The following TIMELESS variants were observed in gnomAD, a reference collection of about 807,000 sequenced individuals.
The protein encoded by TIMELESS is protein timeless homolog.
In TIMELESS, 124 loss-of-function variants were observed where a neutral mutation model predicts 164.3. The ratio of observed to expected loss-of-function variants is 0.75; its 90% CI spans 0.65 to 0.88. The LOEUF (loss-of-function observed/expected upper bound fraction) is 0.88, where lower values mean the gene tolerates loss of function less well. Among genes scored for constraint, TIMELESS ranks in the 40% least tolerant of loss-of-function variants. The pLI, the probability that TIMELESS is intolerant of heterozygous loss-of-function variation, is 0.00. For synonymous variants in TIMELESS, 564 were observed against 563.4 expected (o/e 1.00, Z -0.02); for missense variants, 1,422 against 1,491.4 (o/e 0.95, Z 0.77).
At chr12:56,424,269 A>G (rs1881599543) in intron 15 of TIMELESS, among the ~76,000 whole-genome samples, 1 of 152,194 alleles carries the variant, frequency 6.6e-6, no homozygotes, top group Non-Finnish European at 1.5e-5. Flanking sequence ...TTTTTGTAAA[A>G]CAAGGTATAT....
At chr12:56,419,520 G>C (rs963653004) in intron 26 of TIMELESS, among the ~76,000 whole-genome samples, 9 of 150,512 alleles carry the variant, frequency 6.0e-5, no homozygotes, top group African/African-American at 4.9e-5. Context: ...CCTTCCAATA[G>C]AGGGACTGGC....
At chr12:56,425,521 A>G (rs1289545240) in intron 13 of TIMELESS, among the ~76,000 whole-genome samples, 1 of 152,236 alleles carries the variant, frequency 6.6e-6, no homozygotes, top group Non-Finnish European at 1.5e-5. Flanking sequence ...AATAAGACAC[A>G]TGGAAAAGCT....
At chr12:56,445,874 TC>T (rs1243541653) in intron 1 of TIMELESS, among the ~76,000 whole-genome samples, 1 of 152,222 alleles carries the variant, frequency 6.6e-6, no homozygotes, top group African/African-American at 2.4e-5. Flanking sequence ...CTTAGGTTAC[TC>T]AACCTCTTCC....
At chr12:56,434,043 T>A (rs767064038) in intron 2 of TIMELESS, 31 bp downstream of exon 2, 3 of 1,612,988 alleles carry the variant, frequency 1.9e-6, no homozygotes, top group Non-Finnish European at 2.5e-6. Context: ...TCAAGCCAAT[T>A]TTTTTCCTGT....
intron 8 of TIMELESS, 144 bp downstream of exon 8, chr12:56,431,327 C>T: frequency 9.5e-7 from 1 of 1,053,364 alleles, no homozygotes; most frequent in Non-Finnish European, 1.3e-6. Flanking sequence ...GCACTCCAGC[C>T]TGGGCGACAA....
At chr12:56,429,218 A>G (rs909693397) in intron 10 of TIMELESS, 118 bp from the exon 11 acceptor site, 145 of 823,864 alleles carry the variant, frequency 1.8e-4, no homozygotes, top group Non-Finnish European at 2.4e-4. Context: ...TTTTTTTTTG[A>G]GGCGGAGTCT....
chr12:56,420,465 A>T, intron 26 of TIMELESS, 104 bp downstream of exon 26: 1 of 818,440 alleles, frequency 1.2e-6, no homozygotes, highest in Non-Finnish European at 1.9e-6. Context: ...GACCAAGATG[A>T]CGATAAGGAT....
In TIMELESS at chr12:56,423,893, C is replaced by G. The variant is rs1326147587; in HGVS notation, c.1870G>C (p.Glu624Gln). 1.2e-6 allele frequency: 2 copies of G among 1,613,892 alleles called. No individual in the cohort carries two copies. The highest frequency in any genetic ancestry group is 1.6e-4 in the Middle Eastern group (1 of 6,084). The change falls in exon 16 of 29, where the codon GAG (glutamate) becomes CAG (glutamine). Residue 624 changes from glutamate (E) to glutamine (Q), a missense_variant and splice_region_variant. By Grantham distance (29) the Glu-to-Gln change is conservative. Transcript: ENST00000553532. ...QALTLLRSAREVWPEGDVFGS... is the reference protein window; with the variant it reads ...QALTLLRSARQVWPEGDVFGS... ...AACACATCTCCTTCAGGCCACACCT[C>G]CCTGGAGCACAGATAGAAAAAAGGC...
In TIMELESS at chr12:56,424,834, G is replaced by A; in HGVS notation, c.1796C>T (p.Ala599Val). Residue 599 changes from alanine to valine, a missense_variant, in exon 15 of 29, where the codon GCT becomes GTT. Physicochemically the swap from Ala to Val is moderately conservative, Grantham distance 64. Coordinates refer to ENST00000553532, the MANE Select transcript of TIMELESS (RefSeq NM_003920.5). ...GAGACAGTCTTGGATCCGTACCATA[G>A]CTTCTGCCCGCTGCTCCTCCACTGG... The part of the protein sequence containing the change: ...EVPVEEQRAE[A>V]MVRIQDCLLA... The A allele has an allele frequency of 6.2e-7, 1 of 1,614,234 alleles. No homozygotes were observed. The highest frequency in any genetic ancestry group is 1.3e-5 in the African/African-American group (1 of 75,062).
intron 3 of TIMELESS, 41 bp from the exon 4 acceptor site, chr12:56,433,693 T>C (rs1881972299): frequency 1.2e-6 from 2 of 1,613,730 alleles, no homozygotes; most frequent in Non-Finnish European, 1.7e-6. Context: ...TAAGTTTCTT[T>C]ACCAGCTCAA....
Position 56,420,514 on chromosome 12 carries a change from G to A in TIMELESS, c.3228+55C>T. ...ATGACAGTGAGGAGGAGGAGGAGAT[G>A]TATTTGGAAATAGGACTAACACGCC... On this transcript the variant is annotated intron_variant, in intron 26 of 28. Coordinates refer to ENST00000553532, the MANE Select transcript of TIMELESS (RefSeq NM_003920.5). 5 of 1,392,942 alleles carry A rather than the reference G, an allele frequency of 3.6e-6. No individual in the cohort carries two copies. In the Admixed American group the frequency reaches 8.4e-5, roughly 24 times the overall value. The allele number at this position is 1,392,942 out of a possible 1,614,324, so 86.3% of individuals were successfully genotyped here. A position where few individuals can be genotyped will look rare whatever the true frequency, so the allele number is the denominator to read the frequency against.
chr12:56,423,985 C>T lies in TIMELESS; in HGVS notation c.1869-91G>A. On this transcript the variant is annotated intron_variant, in intron 15 of 28. Coordinates refer to ENST00000553532, the MANE Select transcript of TIMELESS (RefSeq NM_003920.5). ...TAGAAGAAGGAATTTAGACTTATTTCTTTTGTTGGCCAGAAACAGAATGCA... is the reference window on the plus strand; with the variant it reads ...TAGAAGAAGGAATTTAGACTTATTTTTTTTGTTGGCCAGAAACAGAATGCA... 6.0e-6 allele frequency: 7 copies of T among 1,162,502 alleles called. No individual in the cohort carries two copies. The Middle Eastern group carries it at 7.2e-4, about 119-fold the overall frequency. The allele number at this position is 1,162,502 out of a possible 1,614,324, so 72.0% of individuals were successfully genotyped here.
Position 56,423,870 on chromosome 12 carries a change from C to T in TIMELESS, c.1893G>A (p.Val631=), listed in dbSNP as rs143514522. Reference sequence around the variant, plus strand: ...CTGGAGAAATGTCTTGAGAGCCAAACACATCTCCTTCAGGCCACACCTCCC... The same window carrying T: ...CTGGAGAAATGTCTTGAGAGCCAAATACATCTCCTTCAGGCCACACCTCCC... ...SAREVWPEGD[V]FGSQDISPEE... The change falls in exon 16 of 29, where the codon GTG becomes GTA. Residue 631 remains valine, a synonymous_variant. Transcript: ENST00000553532. 4 of 1,614,068 alleles carry T rather than the reference C, an allele frequency of 2.5e-6. No homozygotes were observed. The African/African-American group carries it at 5.3e-5, about 22-fold the overall frequency.
At chr12:56,442,903 A>G (rs992085859) in intron 1 of TIMELESS, among the ~76,000 whole-genome samples, 8 of 152,206 alleles carry the variant, frequency 5.3e-5, no homozygotes, top group African/African-American at 1.9e-4. Context: ...TGAAGATTTC[A>G]TGGACATTTA....
intron 8 of TIMELESS, 65 bp from the exon 9 acceptor site, chr12:56,431,033 T>A: frequency 4.3e-6 from 5 of 1,150,416 alleles, no homozygotes; most frequent in South Asian, 1.5e-5. Context: ...CCATTCTCTA[T>A]CATCGGCACA....
At chr12:56,419,299 C>T (rs767560638) in intron 26 of TIMELESS, among the ~76,000 whole-genome samples, 6 of 152,168 alleles carry the variant, frequency 3.9e-5, no homozygotes, top group Non-Finnish European at 7.3e-5. Context: ...GCAGATTCCA[C>T]AGGATTAAGG....
At chr12:56,428,770 G>A in intron 11 of TIMELESS, 113 bp downstream of exon 11, 1 of 1,473,510 alleles carries the variant, frequency 6.8e-7, no homozygotes, top group Non-Finnish European at 9.4e-7. Context: ...TTCCCAGCCA[G>A]TCCTTGCTCC....
intron 19 of TIMELESS, among the ~76,000 whole-genome samples, chr12:56,422,416 T>C (rs1881528582): frequency 6.6e-6 from 1 of 152,170 alleles, no homozygotes; most frequent in African/African-American, 2.4e-5. Flanking sequence ...AATGGAACCC[T>C]GACCATTCTG....
chr12:56,442,738 T>G (rs1466252576), intron 1 of TIMELESS, among the ~76,000 whole-genome samples: 1 of 152,194 alleles, frequency 6.6e-6, no homozygotes, highest in African/African-American at 2.4e-5. Flanking sequence ...TAGATGATGT[T>G]GCGGGAAGTC....
Sources: allele counts gnomAD v4.1 joint callset (sites outside exome capture counted in the v4.1 genomes callset), GRCh38; gene constraint gnomAD v4.1.1; transcripts MANE v1.5; gene names NCBI Gene and HGNC (gene_info 2026-07-23, HGNC 2026-07-21).